The following CDH6 variants were observed in gnomAD, a reference collection of about 807,000 sequenced individuals.
CDH6 encodes cadherin-6.
Under a neutral mutation model 78.0 loss-of-function variants are expected in CDH6, and 31 were observed. That is an observed-to-expected ratio of 0.40 (90% CI 0.30 to 0.54). The LOEUF is 0.54. Ranked by LOEUF, CDH6 falls within the 20% of genes least tolerant of loss-of-function variation. The pLI, the probability that CDH6 is intolerant of heterozygous loss-of-function variation, is 0.56. For missense variants in CDH6, 724 were observed against 975.9 expected (o/e 0.74, Z 3.44); for synonymous variants, 376 against 368.8 (o/e 1.02, Z -0.23).
chr5:31,283,552 A>C (rs1742920846), intron 2 of CDH6, among the ~76,000 whole-genome samples: 1 of 152,200 alleles, frequency 6.6e-6, no homozygotes, highest in Admixed American at 6.5e-5. Flanking sequence ...CCGGCCCATG[A>C]TATGGGCTTA....
intron 2 of CDH6, among the ~76,000 whole-genome samples, chr5:31,289,898 G>A (rs1376574528): frequency 1.3e-5 from 2 of 152,004 alleles, no homozygotes; most frequent in African/African-American, 4.8e-5. Context: ...CCATGGTTTT[G>A]GTCCCACCCA....
rs771832520 is a variant in CDH6 at position 31,294,211 on chromosome 5, A to G, written c.478A>G (p.Thr160Ala). ...HDINDNEPIF[T>A]KEVYTATVPE... is the part of the protein sequence containing the mutation. ...CATCAATGACAATGAACCAATATTCACCAAGGAGGTTTACACAGCCACTGT... is the reference window on the plus strand; with the variant it reads ...CATCAATGACAATGAACCAATATTCGCCAAGGAGGTTTACACAGCCACTGT... The change falls in exon 3 of 12, where the codon ACC becomes GCC. Residue 160 changes from threonine (T) to alanine (A), a missense_variant. Coordinates refer to ENST00000265071, the MANE Select transcript of CDH6 (RefSeq NM_004932.4). The surrounding 1 kb of genome is among the most constrained non-coding windows in gnomAD (Gnocchi z 4.1). 1 of 1,613,814 alleles carries G rather than the reference A, an allele frequency of 6.2e-7. No homozygotes were observed. Among genetic ancestry groups the G allele is most frequent in the Non-Finnish European group, 8.5e-7 (1 of 1,179,912 alleles).
At chr5:31,196,587 G>T (rs377645786) in intron 1 of CDH6, among the ~76,000 whole-genome samples, 6 of 152,130 alleles carry the variant, frequency 3.9e-5, no homozygotes, top group African/African-American at 1.4e-4. Flanking sequence ...GAGTTCAGCT[G>T]CAGAATGGAT....
At chr5:31,290,851 T>G (rs151275192) in intron 2 of CDH6, among the ~76,000 whole-genome samples, 1 of 152,282 alleles carries the variant, frequency 6.6e-6, no homozygotes, top group Non-Finnish European at 1.5e-5. Flanking sequence ...AGAGAAGAGA[T>G]ACATTTTCCC....
intron 1 of CDH6, among the ~76,000 whole-genome samples, chr5:31,196,452 C>G (rs1405044346): frequency 6.6e-6 from 1 of 152,180 alleles, no homozygotes; most frequent in Non-Finnish European, 1.5e-5. Context: ...GTGGTCCCCC[C>G]TTCTGGCCCG....
intron 8 of CDH6, 37 bp downstream of exon 8, chr5:31,313,491 A>G (rs201412636): frequency 1.2e-4 from 195 of 1,579,706 alleles, no homozygotes; most frequent in Middle Eastern, 1.7e-4. Flanking sequence ...TCCCCTATTA[A>G]TAGACTGAGT....
rs1738534597 is a variant in CDH6 at position 31,323,521 on chromosome 5, A to T, written c.*213A>T. ...TTTTTATTTTTTAGTGCATCCAGTTAACCAAGTCAGCCCAACAGGCAGGTG... is the reference window on the plus strand; with the variant it reads ...TTTTTATTTTTTAGTGCATCCAGTTTACCAAGTCAGCCCAACAGGCAGGTG... On this transcript the variant is annotated 3_prime_UTR_variant, in exon 12 of 12. Coordinates refer to ENST00000265071, the MANE Select transcript of CDH6 (RefSeq NM_004932.4). 1.9e-6 allele frequency: 1 copy of T among 532,242 alleles called. No individual in the cohort carries two copies. Among genetic ancestry groups the T allele is most frequent in the Non-Finnish European group, 3.3e-6 (1 of 302,972 alleles). The allele number at this position is 532,242 out of a possible 1,614,324, so 33.0% of individuals were successfully genotyped here. A position where few individuals can be genotyped will look rare whatever the true frequency, so the allele number is the denominator to read the frequency against.
intron 11 of CDH6, chr5:31,318,352 A>G (rs1484082866): frequency 6.3e-6 from 2 of 319,608 alleles, no homozygotes; most frequent in African/African-American, 4.1e-5. Flanking sequence ...GAAGAGGAGT[A>G]TGATGACTTT....
intron 1 of CDH6, among the ~76,000 whole-genome samples, chr5:31,264,677 G>A (rs1742292600): frequency 6.6e-6 from 1 of 152,142 alleles, no homozygotes; most frequent in South Asian, 2.1e-4. Flanking sequence ...ATGAGTTTGA[G>A]CATATTGATC....
At chr5:31,195,704 A>C (rs1740146172) in intron 1 of CDH6, among the ~76,000 whole-genome samples, 1 of 152,226 alleles carries the variant, frequency 6.6e-6, no homozygotes, top group South Asian at 2.1e-4. Context: ...AGAAACTTAA[A>C]AGAAACCCAA....
At chr5:31,223,030 T>TTCTC (rs200163995) in intron 1 of CDH6, among the ~76,000 whole-genome samples, 7 of 151,588 alleles carry the variant, frequency 4.6e-5, no homozygotes, top group African/African-American at 1.5e-4. Flanking sequence ...CTCTTACTCT[T>TTCTC]TCTCTCTCTC....
intron 7 of CDH6, 126 bp downstream of exon 7, chr5:31,305,553 A>T: frequency 2.2e-6 from 2 of 914,766 alleles, no homozygotes; most frequent in South Asian, 3.5e-5. Context: ...TTCCTGAAAA[A>T]ACTATTCTAA....
chr5:31,210,753 C>T (rs1356078976), intron 1 of CDH6, among the ~76,000 whole-genome samples: 1 of 152,116 alleles, frequency 6.6e-6, no homozygotes, highest in Non-Finnish European at 1.5e-5. Context: ...ACTATCAATG[C>T]AATGTAAATA....
At position 31,204,385 on chromosome 5, in the gene CDH6, G is replaced by A. The variant is rs765192978; in HGVS notation, c.-129+10499G>A. ...CTGAATAACCACTTTCTCCCCAAAC[G>A]TAACGCTAGGGAGGACGGGTACTTT... On this transcript the variant is annotated intron_variant, in intron 1 of 11. Transcript: ENST00000265071. Among the ~76,000 whole-genome samples the A allele has an allele frequency of 3.5e-4, 53 of 152,246 alleles. 1 individual carries two copies. The highest frequency in any genetic ancestry group is 1.2e-3 in the African/African-American group (49 of 41,554).
At chr5:31,263,435 T>C (rs1480746021) in intron 1 of CDH6, among the ~76,000 whole-genome samples, 2 of 139,646 alleles carry the variant, frequency 1.4e-5, no homozygotes, top group Non-Finnish European at 3.0e-5. Context: ...TTTTGTTTTT[T>C]GGGGTCTTTT....
chr5:31,320,137 A>G (rs1738440657), intron 11 of CDH6, among the ~76,000 whole-genome samples: 1 of 152,188 alleles, frequency 6.6e-6, no homozygotes, highest in Non-Finnish European at 1.5e-5. Flanking sequence ...ACTTTCTAAG[A>G]ATGTGTTTGC....
intron 1 of CDH6, among the ~76,000 whole-genome samples, chr5:31,219,937 G>T (rs1019523948): frequency 1.3e-5 from 2 of 152,160 alleles, no homozygotes; most frequent in Admixed American, 1.3e-4. Context: ...TGAAAAAGTT[G>T]TTCCCCTCTT....
intron 1 of CDH6, among the ~76,000 whole-genome samples, chr5:31,254,929 T>A (rs1327315288): frequency 2.0e-5 from 3 of 152,190 alleles, no homozygotes. Context: ...ATAAAGAAAG[T>A]GTAAAAGTTG....
chr5:31,318,917 C>G (rs545501277), intron 11 of CDH6: 1 of 224,514 alleles, frequency 4.5e-6, no homozygotes, highest in African/African-American at 2.2e-5. Flanking sequence ...CCACATCAAC[C>G]CTGCTAACTA....
Sources: gnomAD v4.1 joint callset for allele counts (sites outside exome capture counted in the v4.1 genomes callset) on GRCh38, gnomAD v4.1.1 for gene constraint, Gnocchi (gnomAD v3.1) non-coding constraint, MANE v1.5 for transcripts, NCBI Gene and HGNC (gene_info 2026-07-23, HGNC 2026-07-21) for gene names.